The following TSPEAR variants were observed in gnomAD, a reference collection of about 807,000 sequenced individuals.
TSPEAR encodes the protein thrombospondin-type laminin G domain and EAR repeat-containing protein.
In TSPEAR, 69 loss-of-function variants were observed where a neutral mutation model predicts 71.6. That is an observed-to-expected ratio of 0.96 (90% CI 0.79 to 1.18). TSPEAR has a LOEUF of 1.18. Ranked by LOEUF, TSPEAR falls within the 50% of genes most tolerant of loss-of-function variation. TSPEAR has a pLI of 0.00. For missense variants in TSPEAR, 971 were observed against 894.9 expected, an observed-to-expected ratio of 1.09 and a Z score of -1.09; for synonymous variants, 402 against 387.2, an observed-to-expected ratio of 1.04 and a Z score of -0.45.
At chr21:44,649,731 C>T (rs1342881661) in intron 1 of TSPEAR, among the ~76,000 whole-genome samples, 1 of 152,194 alleles carries the variant, frequency 6.6e-6, no homozygotes, top group African/African-American at 2.4e-5. Flanking sequence ...CCCTCAGGCC[C>T]AGCTTCGGGC....
intron 1 of TSPEAR, among the ~76,000 whole-genome samples, chr21:44,624,102 T>C (rs995536025): frequency 6.6e-6 from 1 of 152,212 alleles, no homozygotes; most frequent in Non-Finnish European, 1.5e-5. Flanking sequence ...TTTCCCTCTT[T>C]TCTTTCCCAT....
intron 1 of TSPEAR, among the ~76,000 whole-genome samples, chr21:44,569,290 T>C (rs2053753837): frequency 6.6e-6 from 1 of 152,072 alleles, no homozygotes; most frequent in Non-Finnish European, 1.5e-5. Context: ...ACTTCTTTCT[T>C]AGAAAAACCG....
In TSPEAR at chr21:44,593,944, C is replaced by G. The variant is rs1980180431; in HGVS notation, c.83-25939G>C. On this transcript the variant is annotated intron_variant, in intron 1 of 11. Coordinates refer to ENST00000323084, the MANE Select transcript of TSPEAR (RefSeq NM_144991.3). The surrounding 1 kb of genome is among the most constrained non-coding windows in gnomAD (Gnocchi z 5.9). ...GCAGGAGACTGACTTCAGGAACCTC[C>G]TCCTGATAAGGGACCCCCAACCATG... Among the ~76,000 whole-genome samples the G allele has an allele frequency of 6.6e-6, 1 of 152,128 alleles. No individual in the cohort carries two copies. Among genetic ancestry groups the G allele is most frequent in the African/African-American group, 2.4e-5 (1 of 41,366 alleles).
At chr21:44,635,122 A>C (rs945018557) in intron 1 of TSPEAR, among the ~76,000 whole-genome samples, 3 of 152,106 alleles carry the variant, frequency 2.0e-5, no homozygotes, top group Admixed American at 6.6e-5. Context: ...AGGCGGGAGG[A>C]TCACTTGAGG....
At chr21:44,611,609 G>A (rs1555930943) in intron 1 of TSPEAR, among the ~76,000 whole-genome samples, 1 of 152,304 alleles carries the variant, frequency 6.6e-6, no homozygotes, top group Middle Eastern at 3.4e-3. Context: ...GCAGGGTGGG[G>A]AGCCAGGGGG....
intron 1 of TSPEAR, among the ~76,000 whole-genome samples, chr21:44,572,962 C>CCCA (rs1297056633): frequency 6.6e-6 from 1 of 151,620 alleles, no homozygotes; most frequent in African/African-American, 2.4e-5. Context: ...ATAGCAGCAG[C>CCCA]CCACAGGAGT....
At chr21:44,551,871 G>A (rs2053447357) in intron 2 of TSPEAR, among the ~76,000 whole-genome samples, 1 of 152,198 alleles carries the variant, frequency 6.6e-6, no homozygotes, top group Non-Finnish European at 1.5e-5. Flanking sequence ...TCTGTCTGCA[G>A]GGACCTCACA....
At position 44,521,992 on chromosome 21, in the gene TSPEAR, G is replaced by A. The variant is rs782176336; in HGVS notation, c.1457C>T (p.Pro486Leu). Reference sequence around the variant, plus strand: ...GTTGGCCACCACCAGGAACGAGTAGGGCCCCACACTGAAGAACTCCCAGTC... The same window carrying A: ...GTTGGCCACCACCAGGAACGAGTAGAGCCCCACACTGAAGAACTCCCAGTC... ...AYDWEFFSVG[P>L]YSFLVVANTF... Residue 486 changes from proline to leucine, a missense_variant, in exon 9 of 12, where the codon CCC (proline) becomes CTC (leucine). Coordinates refer to ENST00000323084, the MANE Select transcript of TSPEAR (RefSeq NM_144991.3). The A allele has an allele frequency of 1.2e-6, 2 of 1,614,172 alleles. No individual in the cohort carries two copies. The highest frequency in any genetic ancestry group is 1.7e-6 in the Non-Finnish European group (2 of 1,180,020).
At chr21:44,571,009 T>C (rs781827277) in intron 1 of TSPEAR, among the ~76,000 whole-genome samples, 2 of 152,172 alleles carry the variant, frequency 1.3e-5, no homozygotes, top group African/African-American at 2.4e-5. Context: ...AAAACTACAG[T>C]TTCCTGGAAA....
intron 1 of TSPEAR, among the ~76,000 whole-genome samples, chr21:44,621,306 CTATT>C (rs1451742985): frequency 6.6e-6 from 1 of 152,178 alleles, no homozygotes; most frequent in Non-Finnish European, 1.5e-5. Flanking sequence ...CTGGAACTGT[CTATT>C]TCTTTCTTCA....
intron 2 of TSPEAR, among the ~76,000 whole-genome samples, chr21:44,535,564 T>C (rs937701932): frequency 6.6e-6 from 1 of 152,226 alleles, no homozygotes; most frequent in African/African-American, 2.4e-5. Flanking sequence ...TGTCTGTGTT[T>C]AGAAACACGA....
Position 44,506,105 on chromosome 21 carries a change from G to T in TSPEAR, c.1755-1224C>A, listed in dbSNP as rs913051639. Among the ~76,000 whole-genome samples, 1 of 152,228 alleles carries T rather than the reference G, an allele frequency of 6.6e-6. No homozygotes were observed. The highest frequency in any genetic ancestry group is 2.4e-5 in the African/African-American group (1 of 41,462). ...CCTACAGGACCTGCAGGACCTGCTC[G>T]TTCACAGATGTTCTCCTAGAAGCAG... is the stretch of plus-strand genomic sequence containing the variant. On this transcript the variant is annotated intron_variant, in intron 10 of 11. Coordinates refer to ENST00000323084, the MANE Select transcript of TSPEAR (RefSeq NM_144991.3). The surrounding 1 kb of genome is among the most constrained non-coding windows in gnomAD (Gnocchi z 4.2).
chr21:44,504,921 A>G (rs782389478), intron 10 of TSPEAR, 40 bp from the exon 11 acceptor site: 1 of 1,523,254 alleles, frequency 6.6e-7, no homozygotes, highest in East Asian at 2.2e-5. Context: ...CACAACAGAC[A>G]TCGCCAGGGA....
rs144358043 is a variant in TSPEAR, at chr21:44,635,866, C to T, written c.83-67861G>A. 8.5e-5 allele frequency among the ~76,000 whole-genome samples: 13 copies of T among 152,276 alleles called. No individual in the cohort carries two copies. In the East Asian group the frequency reaches 2.5e-3, roughly 29 times the overall value. On this transcript the variant is annotated intron_variant, in intron 1 of 11. Transcript: ENST00000323084. Reference sequence around the variant, plus strand: ...AAGGGTTTCTAAGAATGAAGCCCCTCGCTCTGCAATGCTGGATATTATCAG... The same window carrying T: ...AAGGGTTTCTAAGAATGAAGCCCCTTGCTCTGCAATGCTGGATATTATCAG...
intron 1 of TSPEAR, among the ~76,000 whole-genome samples, chr21:44,648,699 C>G (rs149168160): frequency 2.6e-5 from 4 of 152,294 alleles, no homozygotes; most frequent in African/African-American, 9.6e-5. Context: ...CACCCAGGGC[C>G]GCAGCCTCCA....
chr21:44,655,235 G>A (rs1264932585), intron 1 of TSPEAR, among the ~76,000 whole-genome samples: 30 of 60,744 alleles, frequency 4.9e-4, no homozygotes, highest in African/African-American at 3.1e-3. Flanking sequence ...CAATGGGTGC[G>A]TGTCTGCACC....
intron 1 of TSPEAR, among the ~76,000 whole-genome samples, chr21:44,698,562 A>G (rs1415494083): frequency 6.6e-6 from 1 of 152,124 alleles, no homozygotes; most frequent in African/African-American, 2.4e-5. Context: ...TCGCAGGCAC[A>G]GCCGTCCCCA....
chr21:44,711,546 C>A lies in TSPEAR; in HGVS notation c.-32G>T. On this transcript the variant is annotated 5_prime_UTR_variant, in exon 1 of 12. Transcript: ENST00000323084. This position sits in a 1 kb window ranked among gnomAD's most constrained non-coding sequence, Gnocchi z 4.5. ...CTTGGGTGCCAAGCTCCATCCAGGG[C>A]TCCGCTCAGCCTGCAGGGAAGTGGC... 1.3e-6 allele frequency: 2 copies of A among 1,595,188 alleles called. No individual in the cohort carries two copies. The highest frequency in any genetic ancestry group is 2.3e-5 in the South Asian group (2 of 88,614).
Position 44,546,502 on chromosome 21 carries a change from T to C in TSPEAR, c.304-12579A>G, listed in dbSNP as rs895458063. On this transcript the variant is annotated intron_variant, in intron 2 of 11. Coordinates refer to ENST00000323084, the MANE Select transcript of TSPEAR (RefSeq NM_144991.3). The surrounding 1 kb of genome is among the most constrained non-coding windows in gnomAD (Gnocchi z 4.4). ...GGCTCCCGCCACCAGGCCCGGCTAATTTTTTGTATTTTGATTGGAGTTTCA... is the reference window on the plus strand; with the variant it reads ...GGCTCCCGCCACCAGGCCCGGCTAACTTTTTGTATTTTGATTGGAGTTTCA... 5.3e-5 allele frequency among the ~76,000 whole-genome samples: 8 copies of C among 152,236 alleles called. No individual in the cohort carries two copies. Among genetic ancestry groups the C allele is most frequent in the Admixed American group, 5.2e-4 (8 of 15,282 alleles).
Sources: allele counts gnomAD v4.1 joint callset (sites outside exome capture counted in the v4.1 genomes callset), GRCh38; gene constraint gnomAD v4.1.1; non-coding constraint Gnocchi (gnomAD v3.1); transcripts MANE v1.5; gene names NCBI Gene and HGNC (gene_info 2026-07-23, HGNC 2026-07-21).